Variants in FHIP2A observed in about 807,000 individuals in gnomAD.
FHIP2A encodes family with sequence similarity 160 member B1.
A neutral mutation model predicts 93.5 loss-of-function variants in FHIP2A; 46 were observed. The ratio of observed to expected loss-of-function variants is 0.49; its 90% confidence interval spans 0.39 to 0.63. The LOEUF is 0.63. Among genes scored for constraint, FHIP2A ranks in the 20% least tolerant of loss-of-function variants. FHIP2A has a pLI of 0.00. For synonymous variants in FHIP2A, 332 were observed against 326.5 expected (o/e 1.02, Z -0.18); for missense variants, 769 against 909.7 (o/e 0.85, Z 1.99).
chr10:114,888,062 C>G (rs1475516442), intron 16 of FHIP2A, among the ~76,000 whole-genome samples: 1 of 152,148 alleles, frequency 6.6e-6, no homozygotes, highest in Non-Finnish European at 1.5e-5. Context: ...CTAGCAGTGC[C>G]GATGATCTTC....
Position 114,898,707 on chromosome 10 carries a change from C to T in FHIP2A, c.2193-783C>T, listed in dbSNP as rs2084012631. Among the ~76,000 whole-genome samples, 3 of 152,124 alleles carry T rather than the reference C, an allele frequency of 2.0e-5. No homozygotes were observed. In the South Asian group the frequency reaches 6.2e-4, roughly 32 times the overall value. ...TCGTTAAATTTCTGATGGTATTTCT[C>T]TCTCCTGATTGCAGCCTGACTGATA... On this transcript the variant is annotated intron_variant, in intron 16 of 16. Transcript: ENST00000369250.
In FHIP2A at chr10:114,843,932, C is replaced by G; in HGVS notation, c.1008C>G (p.Asn336Lys). 6.4e-7 allele frequency: 1 copy of G among 1,563,694 alleles called. No individual in the cohort carries two copies. Among genetic ancestry groups the G allele is most frequent in the Non-Finnish European group, 8.6e-7 (1 of 1,163,042 alleles). The change falls in exon 7 of 17, where the codon AAC (asparagine) becomes AAG (lysine). Residue 336 changes from asparagine to lysine, a missense_variant. Asn to Lys is a moderately conservative substitution (Grantham distance 94). Transcript: ENST00000369248. ...PLDIETVEAI[N>K]WGLDSYSHKE... ...ATATTGAAACCGTGGAAGCAATTAA[C>G]TGGGGGTAAGCACCGTTACTTGTAT...
chr10:114,837,821 A>G (rs188618184), intron 5 of FHIP2A, among the ~76,000 whole-genome samples: 1 of 152,332 alleles, frequency 6.6e-6, no homozygotes, highest in African/African-American at 2.4e-5. Context: ...AAATTAGCTT[A>G]TTGCATTTGA....
At chr10:114,867,102 T>C (rs762666442), downstream of FHIP2A, among the ~76,000 whole-genome samples, 3 of 150,998 alleles carry the variant, frequency 2.0e-5, no homozygotes, top group Non-Finnish European at 2.9e-5. Context: ...CCAGATGCTC[T>C]GGAGGCTGAG....
At chr10:114,884,310 C>T (rs548163302) in intron 16 of FHIP2A, among the ~76,000 whole-genome samples, 168 of 152,268 alleles carry the variant, frequency 1.1e-3, no homozygotes, top group African/African-American at 3.7e-3. Context: ...GCTATTTAGA[C>T]TTTGAGACTT....
rs374545203 is a variant in FHIP2A at position 114,843,209 on chromosome 10, A to T, written c.799A>T (p.Asn267Tyr). 4.8e-5 allele frequency: 78 copies of T among 1,612,534 alleles called. No individual in the cohort carries two copies. Among genetic ancestry groups the T allele is most frequent in the Non-Finnish European group, 3.4e-6 (4 of 1,179,054 alleles). ...QDYNLVNSLL[N>Y]LTRSPDGRIA... ...TTACAATTTAGTGAATTCTTTGTTA[A>T]ATCTTACTAGAAGTCCTGTGAGTTA... Residue 267 changes from asparagine (N) to tyrosine (Y), a missense_variant, in exon 6 of 17, where the codon AAT becomes TAT. Physicochemically the swap from Asn to Tyr is moderately radical, Grantham distance 143. Coordinates refer to ENST00000369248, the MANE Select transcript of FHIP2A (RefSeq NM_020940.4).
chr10:114,839,439 T>C (rs1416813192), intron 5 of FHIP2A, among the ~76,000 whole-genome samples: 1 of 152,174 alleles, frequency 6.6e-6, no homozygotes, highest in Non-Finnish European at 1.5e-5. Context: ...AAATGCAGTT[T>C]TATTACTTAT....
chr10:114,859,849 G>C (rs1052178283), intron 14 of FHIP2A, among the ~76,000 whole-genome samples: 3 of 152,180 alleles, frequency 2.0e-5, no homozygotes, highest in Non-Finnish European at 4.4e-5. Flanking sequence ...ATCCCTCTCT[G>C]TAATCACCAT....
rs540712737 is a variant in FHIP2A at position 114,849,861 on chromosome 10, A to C, written c.1803+1124A>C. Among the ~76,000 whole-genome samples, 18 of 152,306 alleles carry C rather than the reference A, an allele frequency of 1.2e-4. 1 individual carries two copies. Among genetic ancestry groups the C allele is most frequent in the African/African-American group, 4.3e-4 (18 of 41,558 alleles). On this transcript the variant is annotated intron_variant, in intron 13 of 16. Transcript: ENST00000369248. ...TTTTCTTGACATTTCACAAAAATGGAATCATACTATATGTGACCTTTTCTG... is the reference window on the plus strand; with the variant it reads ...TTTTCTTGACATTTCACAAAAATGGCATCATACTATATGTGACCTTTTCTG...
intron 16 of FHIP2A, among the ~76,000 whole-genome samples, chr10:114,895,321 A>G (rs2083995716): frequency 6.6e-6 from 1 of 152,244 alleles, no homozygotes; most frequent in South Asian, 2.1e-4. Flanking sequence ...GTACTGGTCC[A>G]TAGAACCCTA....
rs1380356790 is a variant in FHIP2A, at chr10:114,875,839, GAAAGAAAGAAAGAA to G, written c.2192+14521_2192+14534del. 3.1e-4 allele frequency among the ~76,000 whole-genome samples: 38 copies of G among 124,358 alleles called. 1 individual carries two copies. Among genetic ancestry groups the G allele is most frequent in the East Asian group, 2.5e-3 (12 of 4,764 alleles). The allele number at this position is 124,358 out of a possible 152,430, so 81.6% of individuals were successfully genotyped here. The stretch of plus-strand genomic sequence containing the variant: ...GGAAAGAAGGTAGGAAGGTAAGAGA[GAAAGAAAGAAAGAA>G]AAAGAAAGAAAGAAAGAGAAAGAAA... On this transcript the variant is annotated intron_variant, in intron 16 of 16. Coordinates refer to the FHIP2A transcript ENST00000369250.
At chr10:114,868,264 C>T (rs1054361078), downstream of FHIP2A, among the ~76,000 whole-genome samples, 9 of 151,894 alleles carry the variant, frequency 5.9e-5, no homozygotes, top group African/African-American at 1.7e-4. Context: ...GAGTGGCAGG[C>T]GACCACCTGA....
chr10:114,880,002 G>T (rs1451006276), intron 16 of FHIP2A, among the ~76,000 whole-genome samples: 2 of 152,106 alleles, frequency 1.3e-5, no homozygotes, highest in East Asian at 1.9e-4. Flanking sequence ...TTATTTAGAG[G>T]GGTGACATCC....
At chr10:114,897,417 C>G (rs1348813286) in intron 16 of FHIP2A, among the ~76,000 whole-genome samples, 1 of 152,120 alleles carries the variant, frequency 6.6e-6, no homozygotes, top group African/African-American at 2.4e-5. Context: ...GTCAAAATGG[C>G]CTTGCTGAGG....
At chr10:114,852,344 C>A (rs937334176) in intron 13 of FHIP2A, among the ~76,000 whole-genome samples, 1 of 152,194 alleles carries the variant, frequency 6.6e-6, no homozygotes, top group Admixed American at 6.5e-5. Flanking sequence ...CTTAGGTGTT[C>A]TTCTAAGACC....
chr10:114,887,093 T>C (rs909852573), intron 16 of FHIP2A, among the ~76,000 whole-genome samples: 6 of 152,196 alleles, frequency 3.9e-5, no homozygotes, highest in Non-Finnish European at 8.8e-5. Context: ...GCACCAGGGA[T>C]GGAAAACTTT....
At chr10:114,827,003 A>G (rs545769758) in intron 1 of FHIP2A, among the ~76,000 whole-genome samples, 2 of 152,160 alleles carry the variant, frequency 1.3e-5, no homozygotes, top group South Asian at 2.1e-4. Context: ...TCAAAAATCA[A>G]ATAAAATCTG....
chr10:114,835,586 T>G lies in FHIP2A; in HGVS notation c.344T>G (p.Leu115Arg). 1 of 1,613,566 alleles carries G rather than the reference T, an allele frequency of 6.2e-7. No homozygotes were observed. Residue 115 changes from leucine to arginine, a missense_variant, in exon 4 of 17, where the codon CTG (leucine) becomes CGG (arginine). Physicochemically the swap from Leu to Arg is moderately radical, Grantham distance 102. Transcript: ENST00000369248. ...GTTTTGGTTTTCTATACGAAACTTC[T>G]GGGAAGAATCCGGCAGCCACTACTT... Reference protein sequence around the residue: ...QQVLVFYTKLLGRIRQPLLPH... With the variant: ...QQVLVFYTKLRGRIRQPLLPH...
At chr10:114,887,175 A>G (rs1346396848) in intron 16 of FHIP2A, among the ~76,000 whole-genome samples, 1 of 152,192 alleles carries the variant, frequency 6.6e-6, no homozygotes. Context: ...AGATACTATT[A>G]TCCAGGTGCA....
Sources: allele counts gnomAD v4.1 joint callset (sites outside exome capture counted in the v4.1 genomes callset), GRCh38; gene constraint gnomAD v4.1.1; transcripts MANE v1.5; gene names NCBI Gene and HGNC (gene_info 2026-07-23, HGNC 2026-07-21).